The following MATR3 variants were observed in gnomAD, a reference collection of about 807,000 sequenced individuals.
MATR3 encodes the protein matrin-3.
Under a neutral mutation model 85.5 loss-of-function variants are expected in MATR3, and 4 were observed. The observed-to-expected ratio is 0.05, with a 90% confidence interval of 0.02 to 0.11. MATR3 has a LOEUF of 0.11. Ranked by LOEUF, MATR3 falls within the 10% of genes least tolerant of loss-of-function variation. The probability of loss-of-function intolerance (pLI) is 1.00; values close to 1 mark genes in which losing one functional copy is unlikely to be tolerated. For synonymous variants in MATR3, 336 were observed against 343.1 expected (o/e 0.98, Z 0.23); for missense variants, 685 against 1,016.1 (o/e 0.67, Z 4.43).
At chr5:139,321,199 G>T (rs1406693356) in intron 9 of MATR3, among the ~76,000 whole-genome samples, 2 of 151,930 alleles carry the variant, frequency 1.3e-5, no homozygotes, top group African/African-American at 4.8e-5. Flanking sequence ...GCCCAGTCTA[G>T]AGTGCAGTGG....
At chr5:139,277,982 C>G (rs2151857326) in intron 2 of MATR3, among the ~76,000 whole-genome samples, 1 of 152,034 alleles carries the variant, frequency 6.6e-6, no homozygotes, top group Admixed American at 6.6e-5. Flanking sequence ...GTATTCCCAG[C>G]ACTTTGGGAG....
At chr5:139,279,435 G>T (rs898549017) in intron 3 of MATR3, 6 of 233,956 alleles carry the variant, frequency 2.6e-5, no homozygotes, top group Non-Finnish European at 4.3e-5. Context: ...CACCATATTG[G>T]CCAGGCTGGT....
At chr5:139,296,923 A>G (rs530487501) in intron 1 of MATR3, among the ~76,000 whole-genome samples, 1 of 152,328 alleles carries the variant, frequency 6.6e-6, no homozygotes, top group East Asian at 1.9e-4. Context: ...TGATCCCAGC[A>G]CATTAGGAGG....
In MATR3 at chr5:139,326,303, C is replaced by T. The variant is rs2152024488; in HGVS notation, c.2493+19C>T. On this transcript the variant is annotated intron_variant, in intron 14 of 14. Coordinates refer to ENST00000394805, the MANE Select transcript of MATR3 (RefSeq NM_018834.6). ...ATTAAAGGTAAGGTTGAATGTAAAA[C>T]AGTTCTTTTGTGAAAACTTAACAAG... The T allele has an allele frequency of 1.2e-6, 2 of 1,610,364 alleles. No homozygotes were observed. The highest frequency in any genetic ancestry group is 8.5e-7 in the Non-Finnish European group (1 of 1,177,452).
rs189196693 is a variant in MATR3 at position 139,314,420 on chromosome 5, C to A, written c.913-255C>A. 743 of 433,854 alleles carry A rather than the reference C, an allele frequency of 1.7e-3. 2 individuals carry two copies. The highest frequency in any genetic ancestry group is 2.6e-3 in the Non-Finnish European group (595 of 231,772). 26.9% of individuals were successfully genotyped at this position (433,854 alleles called of 1,614,324 possible). ...ATCTTTATTAACTCTATATCTTTTCCCTGTCAAATATCTTAAGTATGTTGA... is the reference window on the plus strand; with the variant it reads ...ATCTTTATTAACTCTATATCTTTTCACTGTCAAATATCTTAAGTATGTTGA... On this transcript the variant is annotated intron_variant, in intron 2 of 14. Transcript: ENST00000394805.
chr5:139,281,356 G>GTTTTTTTTTTTTTT (rs1371325133), intron 3 of MATR3, among the ~76,000 whole-genome samples: 6 of 101,064 alleles, frequency 5.9e-5, no homozygotes, highest in East Asian at 3.0e-4. Flanking sequence ...TTTTTTTTTT[G>GTTTTTTTTTTTTTT]TTTTTTTTTT....
chr5:139,301,923 A>C (rs924329498), intron 1 of MATR3, among the ~76,000 whole-genome samples: 2 of 152,166 alleles, frequency 1.3e-5, no homozygotes, highest in Non-Finnish European at 2.9e-5. Context: ...TCAGCAGCTG[A>C]CGCCACTCTG....
At position 139,330,022 on chromosome 5, in the gene MATR3, A is replaced by T. The variant is rs1756059113; in HGVS notation, c.*627A>T. The T allele has an allele frequency of 2.2e-6, 1 of 453,900 alleles. No homozygotes were observed. The highest frequency in any genetic ancestry group is 4.4e-6 in the Non-Finnish European group (1 of 226,516). The allele number at this position is 453,900 out of a possible 1,614,324, so 28.1% of individuals were successfully genotyped here. ...TCCCTGAGTTCCTGCTAGATTTCGT[A>T]TTCTAGTAGTCAATGTATTTTCAGT... On this transcript the variant is annotated 3_prime_UTR_variant, in exon 15 of 15. Coordinates refer to ENST00000394805, the MANE Select transcript of MATR3 (RefSeq NM_018834.6).
intron 1 of MATR3, among the ~76,000 whole-genome samples, chr5:139,300,232 G>T (rs1754369300): frequency 1.3e-5 from 2 of 152,138 alleles, no homozygotes; most frequent in African/African-American, 4.8e-5. Flanking sequence ...AGGTGTGGTG[G>T]TGTGCACCTG....
intron 12 of MATR3, among the ~76,000 whole-genome samples, chr5:139,324,229 A>G (rs993925137): frequency 6.6e-6 from 1 of 151,672 alleles, no homozygotes; most frequent in African/African-American, 2.4e-5. Flanking sequence ...ATAATCCCAT[A>G]CTGCTTATAA....
intron 4 of MATR3, 169 bp downstream of exon 4, chr5:139,315,907 A>C (rs1755216479): frequency 1.3e-6 from 1 of 751,564 alleles, no homozygotes; most frequent in African/African-American, 1.8e-5. Context: ...ATTATGTAGT[A>C]ATTTGTATTC....
intron 1 of MATR3, among the ~76,000 whole-genome samples, chr5:139,303,229 G>A (rs981854143): frequency 6.6e-6 from 1 of 152,122 alleles, no homozygotes; most frequent in Admixed American, 6.5e-5. Context: ...AGCCTCCCAC[G>A]TAGGTGGGAC....
chr5:139,315,549 C>A, intron 3 of MATR3, 148 bp from the exon 4 acceptor site: 1 of 572,656 alleles, frequency 1.7e-6, no homozygotes, highest in South Asian at 2.5e-5. Context: ...TTTGAAATAT[C>A]TATTGGAAAT....
upstream of MATR3, among the ~76,000 whole-genome samples, chr5:139,289,695 A>G (rs1444245822): frequency 3.3e-5 from 5 of 152,202 alleles, no homozygotes; most frequent in African/African-American, 4.8e-5. Context: ...CTTTCCAACA[A>G]TTCCTTCGTT....
chr5:139,316,935 A>G (rs1043910038), intron 5 of MATR3, 118 bp from the exon 6 acceptor site: 1 of 773,304 alleles, frequency 1.3e-6, no homozygotes, highest in African/African-American at 1.7e-5. Context: ...AAGTGATGGT[A>G]ATCATATATT....
At chr5:139,287,100 C>T (rs1193652096) in intron 3 of MATR3, among the ~76,000 whole-genome samples, 2 of 152,130 alleles carry the variant, frequency 1.3e-5, no homozygotes, top group Non-Finnish European at 2.9e-5. Context: ...TCCATTTTGT[C>T]GTCTTTTAGG....
At chr5:139,303,339 A>G (rs1162931011) in intron 1 of MATR3, among the ~76,000 whole-genome samples, 1 of 152,146 alleles carries the variant, frequency 6.6e-6, no homozygotes, top group Non-Finnish European at 1.5e-5. Flanking sequence ...TGACCTCGTG[A>G]TCAACCCACC....
At chr5:139,327,013 CA>C (rs1435490823) in intron 14 of MATR3, among the ~76,000 whole-genome samples, 1 of 152,036 alleles carries the variant, frequency 6.6e-6, no homozygotes, top group Non-Finnish European at 1.5e-5. Flanking sequence ...ATATAAAGAT[CA>C]AAAGCATAAA....
At chr5:139,322,999 G>A (rs1442221473) in intron 12 of MATR3, 32 bp downstream of exon 12, 2 of 1,559,112 alleles carry the variant, frequency 1.3e-6, no homozygotes, top group South Asian at 2.3e-5. Flanking sequence ...TGTTTTAATA[G>A]AACATTAGAT....
Sources: gnomAD v4.1 joint callset for allele counts (sites outside exome capture counted in the v4.1 genomes callset) on GRCh38, gnomAD v4.1.1 for gene constraint, MANE v1.5 for transcripts, NCBI Gene and HGNC (gene_info 2026-07-23, HGNC 2026-07-21) for gene names.